TRMT11: variants seen among roughly 807,000 people sequenced by gnomAD.
TRMT11 encodes the protein tRNA methyltransferase 11.
A neutral mutation model predicts 62.8 loss-of-function variants in TRMT11; 53 were observed. The observed-to-expected ratio is 0.84, with a 90% CI of 0.68 to 1.06. The LOEUF (loss-of-function observed/expected upper bound fraction) is 1.06. Ranked by LOEUF, TRMT11 falls within the 50% of genes least tolerant of loss-of-function variation. The pLI, the probability that TRMT11 is intolerant of heterozygous loss-of-function variation, is 0.00. For synonymous variants in TRMT11, 188 were observed against 190.3 expected (o/e 0.99, Z 0.10); for missense variants, 556 against 553.4 (o/e 1.00, Z -0.05).
intron 21 of TRMT11, among the ~76,000 whole-genome samples, chr6:126,122,414 C>G (rs1003166179): frequency 2.0e-5 from 3 of 152,086 alleles, no homozygotes; most frequent in African/African-American, 7.2e-5. Context: ...AATCCTTCCC[C>G]AAGGAAGGTC....
chr6:126,265,539 T>C, the TRMT11 span, among the ~76,000 whole-genome samples: 2 of 152,148 alleles, frequency 1.3e-5, no homozygotes, highest in East Asian at 1.9e-4. Flanking sequence ...AACAGTAGCA[T>C]TGAAGAATTA....
chr6:126,035,991 G>T (rs1158151212), intron 12 of TRMT11, among the ~76,000 whole-genome samples: 1 of 152,090 alleles, frequency 6.6e-6, no homozygotes, highest in East Asian at 1.9e-4. Context: ...GGTCAGCTAG[G>T]CACGCTAGTA....
intron 21 of TRMT11, among the ~76,000 whole-genome samples, chr6:126,135,236 C>G (rs978133760): frequency 6.6e-6 from 1 of 151,218 alleles, no homozygotes; most frequent in Non-Finnish European, 1.5e-5. Flanking sequence ...ATGGACAAAC[C>G]TTTAGCTAGA....
chr6:126,257,957 C>A, the TRMT11 span: 1 of 1,558,180 alleles, frequency 6.4e-7, no homozygotes, highest in Non-Finnish European at 8.8e-7. Context: ...TCTGCATGCC[C>A]CGGATCTTGT....
chr6:126,099,622 C>G (rs1047712697), intron 17 of TRMT11, among the ~76,000 whole-genome samples: 4 of 152,184 alleles, frequency 2.6e-5, no homozygotes, highest in Admixed American at 1.3e-4. Flanking sequence ...TGGCAGCCAC[C>G]TGTAATCCCA....
chr6:126,076,832 G>A (rs928052771), intron 17 of TRMT11, among the ~76,000 whole-genome samples: 80 of 152,082 alleles, frequency 5.3e-4, no homozygotes, highest in African/African-American at 1.8e-3. Flanking sequence ...AATTAAAATG[G>A]ATTTAATTTT....
chr6:126,015,561 G>A (rs946579764), intron 11 of TRMT11, among the ~76,000 whole-genome samples: 3 of 152,038 alleles, frequency 2.0e-5, no homozygotes, highest in Admixed American at 6.5e-5. Context: ...TGTTGGTATG[G>A]TGCCCTCTTA....
chr6:126,058,231 T>G (rs1776426907), intron 17 of TRMT11, among the ~76,000 whole-genome samples: 1 of 152,212 alleles, frequency 6.6e-6, no homozygotes, highest in African/African-American at 2.4e-5. Context: ...CTGTGTTAGT[T>G]TGCTGAGAAT....
At chr6:126,070,624 G>C (rs1332183594) in intron 17 of TRMT11, among the ~76,000 whole-genome samples, 1 of 152,076 alleles carries the variant, frequency 6.6e-6, no homozygotes, top group Non-Finnish European at 1.5e-5. Flanking sequence ...AAAAGTCACA[G>C]ACCTACTGCT....
intron 11 of TRMT11, among the ~76,000 whole-genome samples, chr6:126,015,540 A>T (rs1387534624): frequency 6.6e-6 from 1 of 152,044 alleles, no homozygotes; most frequent in East Asian, 1.9e-4. Context: ...TTTTGAAACC[A>T]TTTGAGAAGT....
intron 21 of TRMT11, among the ~76,000 whole-genome samples, chr6:126,129,877 C>T (rs182791516): frequency 5.3e-5 from 8 of 152,146 alleles, no homozygotes; most frequent in Admixed American, 3.3e-4. Context: ...TTTGTTTTTA[C>T]ACAACTAATC....
chr6:126,158,724 A>G (rs889454239), intron 21 of TRMT11, among the ~76,000 whole-genome samples: 2 of 152,136 alleles, frequency 1.3e-5, no homozygotes, highest in Admixed American at 1.3e-4. Flanking sequence ...GCTTGGGGCA[A>G]TGTCGAGCCA....
At chr6:126,172,618 C>T (rs1778342777), upstream of TRMT11, among the ~76,000 whole-genome samples, 1 of 152,052 alleles carries the variant, frequency 6.6e-6, no homozygotes, top group Non-Finnish European at 1.5e-5. Context: ...CTTATTGAAA[C>T]ACTTTCAATA....
chr6:126,221,133 G>T, the TRMT11 span, among the ~76,000 whole-genome samples: 1 of 152,140 alleles, frequency 6.6e-6, no homozygotes, highest in Non-Finnish European at 1.5e-5. Context: ...TGATGTATAT[G>T]TACCACATTT....
At chr6:125,997,338 A>G (rs1374497235) in intron 3 of TRMT11, among the ~76,000 whole-genome samples, 1 of 152,232 alleles carries the variant, frequency 6.6e-6, no homozygotes, top group Non-Finnish European at 1.5e-5. Context: ...ACCAACTTAA[A>G]TTCAAATTTT....
At chr6:126,086,649 ATGT>A (rs1777219928) in intron 17 of TRMT11, among the ~76,000 whole-genome samples, 2 of 152,258 alleles carry the variant, frequency 1.3e-5, no homozygotes, top group South Asian at 4.1e-4. Context: ...CAGCAATTCC[ATGT>A]TGTTACAGAG....
the TRMT11 span, among the ~76,000 whole-genome samples, chr6:126,241,145 C>T: frequency 6.6e-6 from 1 of 152,328 alleles, no homozygotes; most frequent in African/African-American, 2.4e-5. Flanking sequence ...TTCCCTGACC[C>T]CTTGCCCTTC....
chr6:126,262,122 G>A, the TRMT11 span, among the ~76,000 whole-genome samples: 395 of 152,340 alleles, frequency 2.6e-3, no homozygotes, highest in African/African-American at 8.9e-3. Flanking sequence ...GCAGCAGTAT[G>A]TGTGCAAGGA....
intron 21 of TRMT11, among the ~76,000 whole-genome samples, chr6:126,167,058 G>A (rs1222268469): frequency 6.6e-6 from 1 of 152,156 alleles, no homozygotes; most frequent in Non-Finnish European, 1.5e-5. Context: ...GCTTCATTGG[G>A]GGTGGGATCC....
Sources: allele counts gnomAD v4.1 joint callset (sites outside exome capture counted in the v4.1 genomes callset), GRCh38; gene constraint gnomAD v4.1.1; transcripts MANE v1.5; gene names NCBI Gene and HGNC (gene_info 2026-07-23, HGNC 2026-07-21).